SV2B: variants seen among roughly 807,000 people sequenced by gnomAD.
The protein encoded by SV2B is solute carrier family 22 member B2.
In SV2B, 41 loss-of-function variants were observed where a neutral mutation model predicts 73.9. The ratio of observed to expected loss-of-function variants is 0.56; its 90% CI spans 0.43 to 0.72. The LOEUF (loss-of-function observed/expected upper bound fraction) is 0.72. Ranked by LOEUF, SV2B falls within the 30% of genes least tolerant of loss-of-function variation. SV2B has a pLI of 0.00. For synonymous variants in SV2B, 314 were observed against 314.2 expected (o/e 1.00, Z 0.01); for missense variants, 764 against 857.8 (o/e 0.89, Z 1.37).
chr15:91,198,307 C>T (rs562512484), intron 1 of SV2B, among the ~76,000 whole-genome samples: 2 of 152,250 alleles, frequency 1.3e-5, no homozygotes, highest in African/African-American at 4.8e-5. Context: ...AAATATTTCT[C>T]AATATACTAA....
chr15:91,219,025 G>A (rs145496315), intron 1 of SV2B, among the ~76,000 whole-genome samples: 29 of 152,066 alleles, frequency 1.9e-4, no homozygotes, highest in African/African-American at 5.8e-4. Context: ...TGCAACCTCC[G>A]CCTCCCGGGT....
intron 1 of SV2B, among the ~76,000 whole-genome samples, chr15:91,127,508 G>A (rs2151753836): frequency 6.6e-6 from 1 of 152,222 alleles, no homozygotes; most frequent in African/African-American, 2.4e-5. Flanking sequence ...CAGCAGGAAG[G>A]CTCAGTAGGG....
At chr15:91,271,491 A>G (rs1301900963) in intron 9 of SV2B, among the ~76,000 whole-genome samples, 1 of 152,184 alleles carries the variant, frequency 6.6e-6, no homozygotes, top group Admixed American at 6.5e-5. Context: ...TCAAATGTAC[A>G]TAGATGCTTT....
In SV2B at chr15:91,123,156, C is replaced by T. The variant is rs1011097148; in HGVS notation, c.-392+22793C>T. Among the ~76,000 whole-genome samples the T allele has an allele frequency of 1.3e-5, 2 of 152,168 alleles. No individual in the cohort carries two copies. Among genetic ancestry groups the T allele is most frequent in the Non-Finnish European group, 2.9e-5 (2 of 68,036 alleles). ...AAGCATGGTGGTGTGCGCTTGTAGTCTCAGCTACCTGGGAGGCTGAGGTGG... is the reference window on the plus strand; with the variant it reads ...AAGCATGGTGGTGTGCGCTTGTAGTTTCAGCTACCTGGGAGGCTGAGGTGG... On this transcript the variant is annotated intron_variant, in intron 1 of 12. Transcript: ENST00000394232. The surrounding 1 kb of genome is among the most constrained non-coding windows in gnomAD (Gnocchi z 4.7).
intron 9 of SV2B, among the ~76,000 whole-genome samples, chr15:91,276,628 A>C (rs951522645): frequency 6.6e-6 from 1 of 151,936 alleles, no homozygotes; most frequent in African/African-American, 2.4e-5. Context: ...AATATCTGTT[A>C]CATTATTTAA....
At position 91,230,893 on chromosome 15, in the gene SV2B, G is replaced by A. The variant is rs541530444; in HGVS notation, c.451+4179G>A. ...CAGCCTTATCACTTTTATTCAGATAGGAAGGAAACAAAGACAGTGTGAAGG... is the reference window on the plus strand; with the variant it reads ...CAGCCTTATCACTTTTATTCAGATAAGAAGGAAACAAAGACAGTGTGAAGG... On this transcript the variant is annotated intron_variant, in intron 2 of 12. Transcript: ENST00000394232. 3.1e-4 allele frequency among the ~76,000 whole-genome samples: 47 copies of A among 152,294 alleles called. No individual in the cohort carries two copies. The South Asian group carries it at 9.1e-3, about 30-fold the overall frequency.
At position 91,299,097 on chromosome 15, in the gene SV2B, C is replaced by T. The variant is rs1039896916; in HGVS notation, c.*6545C>T. 6.6e-6 allele frequency: 1 copy of T among 151,992 alleles called. No homozygotes were observed. Among genetic ancestry groups the T allele is most frequent in the African/African-American group, 2.4e-5 (1 of 41,356 alleles). 9.4% of individuals were successfully genotyped at this position (151,992 alleles called of 1,614,324 possible). On this transcript the variant is annotated 3_prime_UTR_variant, in exon 13 of 13. Transcript: ENST00000394232. Reference sequence around the variant, plus strand: ...TCTAAAATGTGGGTGTGTATATATACATACATATATATACACACACACATT... The same window carrying T: ...TCTAAAATGTGGGTGTGTATATATATATACATATATATACACACACACATT...
rs138997318 is a variant in SV2B, at chr15:91,217,155, G to C, written c.-391-8718G>C. Among the ~76,000 whole-genome samples, 76 of 152,310 alleles carry C rather than the reference G, an allele frequency of 5.0e-4. No individual in the cohort carries two copies. In the East Asian group the frequency reaches 0.014, roughly 27 times the overall value. ...GCATCCCAAAGTGCTGGGATTCCAGGTGTGAGCCACCGCGCCTGGCCCTGA... is the reference window on the plus strand; with the variant it reads ...GCATCCCAAAGTGCTGGGATTCCAGCTGTGAGCCACCGCGCCTGGCCCTGA... On this transcript the variant is annotated intron_variant, in intron 1 of 12. Coordinates refer to ENST00000394232, the MANE Select transcript of SV2B (RefSeq NM_001323032.3).
At chr15:91,287,344 C>T (rs75552963) in intron 11 of SV2B, among the ~76,000 whole-genome samples, 6 of 152,286 alleles carry the variant, frequency 3.9e-5, no homozygotes, top group African/African-American at 1.4e-4. Context: ...CCTGCAGGGT[C>T]CTGGTGCCTG....
rs151137956 is a variant in SV2B at position 91,225,983 on chromosome 15, C to T, written c.-281C>T. On this transcript the variant is annotated 5_prime_UTR_variant, in exon 2 of 13. The change creates a new upstream start codon in the 5' untranslated region. Transcript: ENST00000394232. ...TCCATTTCTAATCAACACTTCCCAA[C>T]GCAACACTTCTGAGTCTCTGAAGGA... The T allele has an allele frequency of 1.2e-4, 55 of 443,738 alleles. No homozygotes were observed. The Middle Eastern group carries it at 1.9e-3, about 15-fold the overall frequency. The allele number at this position is 443,738 out of a possible 1,614,324, so 27.5% of individuals were successfully genotyped here.
At position 91,260,392 on chromosome 15, in the gene SV2B, C is replaced by T. The variant is rs2047866754; in HGVS notation, c.991C>T (p.Pro331Ser). 2 of 1,612,934 alleles carry T rather than the reference C, an allele frequency of 1.2e-6. No homozygotes were observed. Among genetic ancestry groups the T allele is most frequent in the Non-Finnish European group, 1.7e-6 (2 of 1,179,564 alleles). The change falls in exon 6 of 13, where the codon CCA (proline) becomes TCA (serine). Residue 331 changes from proline (P) to serine (S), a missense_variant. Transcript: ENST00000394232. The stretch of plus-strand genomic sequence containing the variant: ...CACCAACATGAGAGCTAAGGGGACC[C>T]CAGAGAAAGTGTTCACGGTGAGTGT... ...HDTNMRAKGTPEKVFTVSNIK... is the reference protein window; with the variant it reads ...HDTNMRAKGTSEKVFTVSNIK...
rs946615299 is a variant in SV2B at position 91,105,527 on chromosome 15, G to T, written c.-392+5164G>T. 5.3e-5 allele frequency among the ~76,000 whole-genome samples: 8 copies of T among 152,242 alleles called. No individual in the cohort carries two copies. The highest frequency in any genetic ancestry group is 1.9e-4 in the African/African-American group (8 of 41,462). On this transcript the variant is annotated intron_variant, in intron 1 of 12. Coordinates refer to ENST00000394232, the MANE Select transcript of SV2B (RefSeq NM_001323032.3). The surrounding 1 kb of genome is among the most constrained non-coding windows in gnomAD (Gnocchi z 5.5). Reference sequence around the variant, plus strand: ...AGATCAGAGAAGTAGCAGGGAGCCAGCTAATAGAAGGTCCTGTAGGGCCTT... The same window carrying T: ...AGATCAGAGAAGTAGCAGGGAGCCATCTAATAGAAGGTCCTGTAGGGCCTT...
intron 1 of SV2B, among the ~76,000 whole-genome samples, chr15:91,198,847 C>G (rs76246778): frequency 0.11 from 16,603 of 152,166 alleles, 1,887 homozygotes; most frequent in African/African-American, 0.29. Context: ...GATCTGGGGG[C>G]AGGGCCGTAA....
intron 1 of SV2B, among the ~76,000 whole-genome samples, chr15:91,161,909 A>G (rs1256083976): frequency 6.6e-6 from 1 of 152,232 alleles, no homozygotes; most frequent in Non-Finnish European, 1.5e-5. Context: ...CAAAGAGTGA[A>G]TCTTTTCATT....
At position 91,182,443 on chromosome 15, in the gene SV2B, C is replaced by T. The variant is rs1269090608; in HGVS notation, c.-391-43430C>T. Among the ~76,000 whole-genome samples the T allele has an allele frequency of 2.0e-5, 3 of 152,156 alleles. No homozygotes were observed. The South Asian group carries it at 6.2e-4, about 32-fold the overall frequency. On this transcript the variant is annotated intron_variant, in intron 1 of 12. Transcript: ENST00000394232. Reference sequence around the variant, plus strand: ...CAAAAAGCTCAAAATCTAGATGTTCCTATTTTCAGTCTCTGAATTAAGATT... The same window carrying T: ...CAAAAAGCTCAAAATCTAGATGTTCTTATTTTCAGTCTCTGAATTAAGATT...
At chr15:91,221,784 C>A (rs1469179124) in intron 1 of SV2B, among the ~76,000 whole-genome samples, 1 of 151,794 alleles carries the variant, frequency 6.6e-6, no homozygotes, top group African/African-American at 2.4e-5. Flanking sequence ...TATTAAAAAC[C>A]AGGACCACAT....
intron 1 of SV2B, among the ~76,000 whole-genome samples, chr15:91,211,783 TGA>T (rs1398703961): frequency 6.7e-6 from 1 of 150,108 alleles, no homozygotes; most frequent in East Asian, 1.9e-4. Flanking sequence ...ATTACAGGCA[TGA>T]GCCACCTCGC....
At chr15:91,262,200 AG>A (rs1411560645) in intron 6 of SV2B, among the ~76,000 whole-genome samples, 1 of 152,170 alleles carries the variant, frequency 6.6e-6, no homozygotes. Context: ...TGGAGAAAAG[AG>A]GGATAATCAT....
rs541948524 is a variant in SV2B at position 91,280,313 on chromosome 15, A to G, written c.1374-1415A>G. ...TTGGTGGCCCTTTTGAAAAGGAACA[A>G]TGGCCATCAGCACCCTGTGCTATCT... On this transcript the variant is annotated intron_variant, in intron 9 of 12. Coordinates refer to ENST00000394232, the MANE Select transcript of SV2B (RefSeq NM_001323032.3). The surrounding 1 kb of genome is among the most constrained non-coding windows in gnomAD (Gnocchi z 5.8). Among the ~76,000 whole-genome samples, 80 of 152,292 alleles carry G rather than the reference A, an allele frequency of 5.3e-4. 1 individual carries two copies. In the South Asian group the frequency reaches 0.016, roughly 30 times the overall value.
Sources: allele counts gnomAD v4.1 joint callset (sites outside exome capture counted in the v4.1 genomes callset), GRCh38; gene constraint gnomAD v4.1.1; non-coding constraint Gnocchi (gnomAD v3.1); transcripts MANE v1.5; gene names NCBI Gene and HGNC (gene_info 2026-07-23, HGNC 2026-07-21).